The following IGFBP5 variants were observed in gnomAD, a reference collection of about 807,000 sequenced individuals.
IGFBP5 encodes insulin-like growth factor-binding protein 5.
In IGFBP5, 12 loss-of-function variants were observed where a neutral mutation model predicts 28.0. That is an observed-to-expected ratio of 0.43 (90% CI 0.27 to 0.69). The LOEUF (loss-of-function observed/expected upper bound fraction) is 0.69. Among genes scored for constraint, IGFBP5 ranks in the 30% least tolerant of loss-of-function variants. The pLI is 0.20. For missense variants in IGFBP5, 344 were observed against 381.6 expected, an observed-to-expected ratio of 0.90 and a Z score of 0.82; for synonymous variants, 152 against 150.2, an observed-to-expected ratio of 1.01 and a Z score of -0.09.
rs969163798 is a variant in IGFBP5 at position 216,679,752 on chromosome 2, G to A, written c.338-673C>T. ...AAATGTAGGCCCGGAGGGGACCGGC[G>A]TGGGGCCAAGTGGAAGTCGGAGGCC... On this transcript the variant is annotated intron_variant, in intron 1 of 3. Coordinates refer to ENST00000233813, the MANE Select transcript of IGFBP5 (RefSeq NM_000599.4). The surrounding 1 kb of genome is among the most constrained non-coding windows in gnomAD (Gnocchi z 4.6). Among the ~76,000 whole-genome samples, 10 of 152,136 alleles carry A rather than the reference G, an allele frequency of 6.6e-5. No homozygotes were observed. Among genetic ancestry groups the A allele is most frequent in the African/African-American group, 1.9e-4 (8 of 41,432 alleles).
chr2:216,677,609 C>T (rs1406558337), intron 3 of IGFBP5, among the ~76,000 whole-genome samples: 1 of 152,156 alleles, frequency 6.6e-6, no homozygotes, highest in African/African-American at 2.4e-5. Context: ...ATCAGGGTCA[C>T]GTGTCCACCC....
Position 216,676,320 on chromosome 2 carries a change from C to T in IGFBP5, c.*431G>A, listed in dbSNP as rs78303303. ...TGCATCTTCTAGCGCCCACCTCTCC[C>T]GACCCCAGGCCAGGGCTGGACGTGA... On this transcript the variant is annotated 3_prime_UTR_variant, in exon 4 of 4. Coordinates refer to ENST00000233813, the MANE Select transcript of IGFBP5 (RefSeq NM_000599.4). 7.8e-3 allele frequency: 1,260 copies of T among 162,340 alleles called. 21 individuals are homozygous for T. Among genetic ancestry groups the T allele is most frequent in the African/African-American group, 0.028 (1,160 of 41,530 alleles). 10.1% of individuals were successfully genotyped at this position (162,340 alleles called of 1,614,324 possible). A position where few individuals can be genotyped will look rare whatever the true frequency, so the allele number is the denominator to read the frequency against.
chr2:216,694,710 GC>G lies in IGFBP5; in HGVS notation c.65del (p.Gly22AlafsTer36). The G allele has an allele frequency of 1.3e-6, 2 of 1,487,272 alleles. No homozygotes were observed. The highest frequency in any genetic ancestry group is 8.9e-7 in the Non-Finnish European group (1 of 1,123,080). The allele number at this position is 1,487,272 out of a possible 1,614,324, so 92.1% of individuals were successfully genotyped here. Reference sequence around the variant, plus strand: ...CGCAGGGCTCGCAGTGCACGAAGGAGCCCAGGCTCTGGGCCGGCCCCGCATA... The same window carrying G: ...CGCAGGGCTCGCAGTGCACGAAGGAGCCAGGCTCTGGGCCGGCCCCGCATA... ...AAYAGPAQSL[G>X]SFVHCEPCDE... On this transcript the variant is annotated frameshift_variant, in exon 1 of 4. Coordinates refer to ENST00000233813, the MANE Select transcript of IGFBP5 (RefSeq NM_000599.4). LOFTEE classifies it high-confidence loss of function. This position sits in a 1 kb window ranked among gnomAD's most constrained non-coding sequence, Gnocchi z 5.2.
chr2:216,687,587 A>G (rs1295439554), intron 1 of IGFBP5, among the ~76,000 whole-genome samples: 1 of 152,192 alleles, frequency 6.6e-6, no homozygotes, highest in African/African-American at 2.4e-5. Flanking sequence ...ACTGATGCAC[A>G]AGTCCCTGGC....
rs2106214161 is a variant in IGFBP5 at position 216,672,668 on chromosome 2, C to T, written c.*4083G>A. ...GTAGAGAGGAGACTCCGGCTGGCGA[C>T]CGGGGACTGGTGGAGTGGGGTGAGC... is the stretch of plus-strand genomic sequence containing the variant. On this transcript the variant is annotated 3_prime_UTR_variant, in exon 4 of 4. Transcript: ENST00000233813. 1 of 152,792 alleles carries T rather than the reference C, an allele frequency of 6.5e-6. No individual in the cohort carries two copies. The highest frequency in any genetic ancestry group is 1.5e-5 in the Non-Finnish European group (1 of 68,040). The allele number at this position is 152,792 out of a possible 1,614,324, so 9.5% of individuals were successfully genotyped here.
intron 1 of IGFBP5, among the ~76,000 whole-genome samples, chr2:216,691,356 G>A (rs963099659): frequency 4.6e-5 from 7 of 152,226 alleles, no homozygotes; most frequent in Admixed American, 3.9e-4. Flanking sequence ...AGACCTACCC[G>A]AACCCCGGTA....
At chr2:216,687,833 C>T (rs1574581763) in intron 1 of IGFBP5, among the ~76,000 whole-genome samples, 1 of 152,194 alleles carries the variant, frequency 6.6e-6, no homozygotes, top group Non-Finnish European at 1.5e-5. Flanking sequence ...CAAAGTTCTG[C>T]ATGACCAGAA....
At chr2:216,686,479 G>A (rs530676910) in intron 1 of IGFBP5, among the ~76,000 whole-genome samples, 6 of 152,124 alleles carry the variant, frequency 3.9e-5, no homozygotes, top group African/African-American at 4.8e-5. Flanking sequence ...TTAGCCGGGC[G>A]TGGCAGTGTG....
chr2:216,678,818 T>C (rs6746360), intron 2 of IGFBP5, 32 bp downstream of exon 2: 76,720 of 1,568,766 alleles, frequency 0.049, 4,284 homozygotes, highest in African/African-American at 0.29. Flanking sequence ...GGTCAAAAGC[T>C]GGGAGGGAAT....
intron 1 of IGFBP5, among the ~76,000 whole-genome samples, chr2:216,686,699 ACT>A (rs1689038330): frequency 8.8e-6 from 1 of 114,004 alleles, no homozygotes; most frequent in South Asian, 2.8e-4. Context: ...ACGGAGTCTC[ACT>A]CTGTCGCCAG....
At chr2:216,685,520 A>G (rs1689024148) in intron 1 of IGFBP5, among the ~76,000 whole-genome samples, 1 of 152,100 alleles carries the variant, frequency 6.6e-6, no homozygotes, top group Non-Finnish European at 1.5e-5. Flanking sequence ...CCAGTCTAGA[A>G]TGTTCTGCAG....
intron 1 of IGFBP5, among the ~76,000 whole-genome samples, chr2:216,690,851 C>G (rs1011502212): frequency 7.4e-6 from 1 of 134,730 alleles, no homozygotes; most frequent in African/African-American, 2.8e-5. Context: ...TTCTTCCAGT[C>G]TGAGCTGACA....
chr2:216,687,786 C>A (rs1345092412), intron 1 of IGFBP5, among the ~76,000 whole-genome samples: 2 of 152,204 alleles, frequency 1.3e-5, no homozygotes, highest in Non-Finnish European at 2.9e-5. Context: ...CCCATCACAG[C>A]CAGTTCAGAA....
intron 1 of IGFBP5, among the ~76,000 whole-genome samples, chr2:216,681,939 C>T (rs976909943): frequency 1.3e-5 from 2 of 152,180 alleles, no homozygotes; most frequent in African/African-American, 4.8e-5. Flanking sequence ...TTTATTTTGA[C>T]CTCTCTTACT....
chr2:216,678,043 A>G, intron 3 of IGFBP5, 69 bp downstream of exon 3: 1 of 1,361,880 alleles, frequency 7.3e-7, no homozygotes, highest in Non-Finnish European at 9.6e-7. Flanking sequence ...CACTTGCCCA[A>G]GGTGGAGTTT....
At chr2:216,678,301 C>A in intron 2 of IGFBP5, 70 bp from the exon 3 acceptor site, 1 of 1,421,274 alleles carries the variant, frequency 7.0e-7, no homozygotes, top group African/African-American at 1.4e-5. Flanking sequence ...TGACGAATGG[C>A]CCAGGGGGTG....
At chr2:216,681,599 A>T (rs1207481281) in intron 1 of IGFBP5, among the ~76,000 whole-genome samples, 1 of 152,080 alleles carries the variant, frequency 6.6e-6, no homozygotes, top group Non-Finnish European at 1.5e-5. Flanking sequence ...CCCTGTGTCC[A>T]AGCAGAAATA....
chr2:216,681,545 G>C (rs1327578842), intron 1 of IGFBP5, among the ~76,000 whole-genome samples: 1 of 152,140 alleles, frequency 6.6e-6, no homozygotes, highest in Non-Finnish European at 1.5e-5. Flanking sequence ...TGTGGCTGGT[G>C]TAGCAGTTCC....
Position 216,694,626 on chromosome 2 carries a change from C to A in IGFBP5, c.150G>T (p.Glu50Asp). Residue 50 changes from glutamate (E) to aspartate (D), a missense_variant, in exon 1 of 4, where the codon GAG becomes GAT. Physicochemically the swap from Glu to Asp is conservative, Grantham distance 45 (BLOSUM62 2). Around this residue, in one of 3 missense-constraint regions of IGFBP5, gnomAD observed 304 missense variants for 329.2 expected, o/e 0.92. Transcript: ENST00000233813. The surrounding 1 kb of genome is among the most constrained non-coding windows in gnomAD (Gnocchi z 5.2). ...AGGTCATGCAGCAGCCGCAGCCCGG[C>A]TCCTTGACCAGCTCGCAGCCCAGGG... ...PSPLGCELVK[E>D]PGCGCCMTCA... The A allele has an allele frequency of 6.5e-7, 1 of 1,536,234 alleles. No homozygotes were observed. The highest frequency in any genetic ancestry group is 1.2e-5 in the South Asian group (1 of 81,148).
Sources: gnomAD v4.1 joint callset for allele counts (sites outside exome capture counted in the v4.1 genomes callset) on GRCh38, gnomAD v4.1.1 for gene constraint, gnomAD v4.1.1 regional missense constraint, Gnocchi (gnomAD v3.1) non-coding constraint, MANE v1.5 for transcripts, NCBI Gene and HGNC (gene_info 2026-07-23, HGNC 2026-07-21) for gene names.